Variants in NRG1 observed in about 807,000 individuals in gnomAD.
NRG1 encodes the protein pro-neuregulin-1, membrane-bound isoform.
Under a neutral mutation model 63.8 loss-of-function variants are expected in NRG1, and 18 were observed. That is an observed-to-expected ratio of 0.28 (90% CI 0.19 to 0.42). NRG1 has a LOEUF of 0.42. Ranked by LOEUF, NRG1 falls within the 10% of genes least tolerant of loss-of-function variation. NRG1 has a pLI of 1.00. For missense variants in NRG1, 762 were observed against 814.7 expected (o/e 0.94, Z 0.79); for synonymous variants, 302 against 301.3 (o/e 1.00, Z -0.02).
At chr8:31,662,350 A>C (rs1358849107) in intron 1 of NRG1, among the ~76,000 whole-genome samples, 1 of 152,254 alleles carries the variant, frequency 6.6e-6, no homozygotes, top group Non-Finnish European at 1.5e-5. Context: ...TTAAAAAGTA[A>C]GTAAATAAAA....
intron 1 of NRG1, among the ~76,000 whole-genome samples, chr8:32,238,333 C>T (rs532437595): frequency 6.6e-6 from 1 of 151,948 alleles, no homozygotes; most frequent in Non-Finnish European, 1.5e-5. Flanking sequence ...GTGACATGCA[C>T]CTATAGTCCC....
chr8:31,660,692 A>G (rs1237922079), intron 1 of NRG1, among the ~76,000 whole-genome samples: 1 of 152,198 alleles, frequency 6.6e-6, no homozygotes, highest in Non-Finnish European at 1.5e-5. Context: ...ATGTAAACAT[A>G]TGTATTGACA....
chr8:32,410,910 T>G (rs1485493992), intron 1 of NRG1, among the ~76,000 whole-genome samples: 1 of 150,302 alleles, frequency 6.7e-6, no homozygotes, highest in Non-Finnish European at 1.5e-5. Flanking sequence ...GGAGCCTTGC[T>G]CTGTTGCCAG....
intron 1 of NRG1, among the ~76,000 whole-genome samples, chr8:32,508,713 G>C: frequency 6.6e-6 from 1 of 152,024 alleles, no homozygotes; most frequent in East Asian, 1.9e-4. Context: ...TATACTTTGT[G>C]GTTTTGTTGT....
In NRG1 at chr8:32,605,694, C is replaced by A; in HGVS notation, c.400+11C>A. On this transcript the variant is annotated intron_variant, in intron 3 of 11. Transcript: ENST00000356819. ...TCGTGGAATCAAACGGTAAGAGATA[C>A]CTACGGTATTCTGTTCCTCAATCTG... is the stretch of plus-strand genomic sequence containing the variant. The A allele has an allele frequency of 6.2e-7, 1 of 1,612,032 alleles. No individual in the cohort carries two copies. Among genetic ancestry groups the A allele is most frequent in the South Asian group, 1.1e-5 (1 of 90,996 alleles).
intron 1 of NRG1, among the ~76,000 whole-genome samples, chr8:32,172,319 G>A (rs1341582014): frequency 6.6e-6 from 1 of 152,136 alleles, no homozygotes; most frequent in African/African-American, 2.4e-5. Context: ...CAAACAGAAA[G>A]GACATCCACA....
intron 1 of NRG1, among the ~76,000 whole-genome samples, chr8:32,385,948 T>G (rs1449926291): frequency 2.0e-5 from 3 of 152,218 alleles, no homozygotes; most frequent in Admixed American, 2.0e-4. Context: ...TAAAACGTCA[T>G]TCATTCAAAT....
At chr8:31,834,290 C>CGTGTGCGCACAT (rs1450360454) in intron 1 of NRG1, among the ~76,000 whole-genome samples, 42 of 66,890 alleles carry the variant, frequency 6.3e-4, no homozygotes, top group African/African-American at 2.5e-3. Flanking sequence ...TCCCTTCATG[C>CGTGTGCGCACAT]GTGTGCGCGC....
At chr8:32,499,685 A>T (rs749896009) in intron 1 of NRG1, among the ~76,000 whole-genome samples, 2 of 152,114 alleles carry the variant, frequency 1.3e-5, no homozygotes, top group Non-Finnish European at 2.9e-5. Context: ...AAAATAAATA[A>T]ATAAATAAAT....
intron 1 of NRG1, among the ~76,000 whole-genome samples, chr8:31,878,230 G>A (rs1470064122): frequency 1.3e-5 from 2 of 151,980 alleles, no homozygotes; most frequent in Non-Finnish European, 2.9e-5. Context: ...TGCTATATAT[G>A]GAAATTCTTA....
intron 1 of NRG1, among the ~76,000 whole-genome samples, chr8:32,126,074 A>C (rs1834034612): frequency 1.3e-5 from 2 of 151,868 alleles, no homozygotes; most frequent in South Asian, 4.1e-4. Flanking sequence ...GACAGGGGCC[A>C]TGCAGTATTC....
intron 1 of NRG1, among the ~76,000 whole-genome samples, chr8:32,351,853 A>C: frequency 6.6e-6 from 1 of 152,080 alleles, no homozygotes; most frequent in East Asian, 1.9e-4. Context: ...GCCTTACTAA[A>C]GTAGAGGCCC....
intron 1 of NRG1, among the ~76,000 whole-genome samples, chr8:32,074,993 C>T (rs2131076154): frequency 6.6e-6 from 1 of 152,238 alleles, no homozygotes; most frequent in South Asian, 2.1e-4. Flanking sequence ...TTGTGGTGTG[C>T]CTTTAGGCAG....
At chr8:32,046,125 T>C (rs1563720774) in intron 1 of NRG1, among the ~76,000 whole-genome samples, 1 of 99,132 alleles carries the variant, frequency 1.0e-5, no homozygotes, top group Non-Finnish European at 2.4e-5. Flanking sequence ...GATTTAAAAG[T>C]GGGCAAAAGT....
intron 1 of NRG1, among the ~76,000 whole-genome samples, chr8:32,242,528 G>A (rs1442628387): frequency 6.6e-6 from 1 of 152,168 alleles, no homozygotes; most frequent in African/African-American, 2.4e-5. Flanking sequence ...TTAGTGCAGT[G>A]TCTGACACTT....
At chr8:32,307,719 G>A (rs1856373339) in intron 1 of NRG1, among the ~76,000 whole-genome samples, 1 of 152,110 alleles carries the variant, frequency 6.6e-6, no homozygotes, top group Non-Finnish European at 1.5e-5. Context: ...TGCTTTGAGA[G>A]CAGGTTGAAT....
At chr8:32,769,460 A>G (rs1327908858), downstream of NRG1, among the ~76,000 whole-genome samples, 1 of 152,182 alleles carries the variant, frequency 6.6e-6, no homozygotes, top group Admixed American at 6.6e-5. Flanking sequence ...AGTCTTCCCA[A>G]TCATTAGATT....
rs200781974 is a variant in NRG1 at position 32,665,051 on chromosome 8, TA to T, written c.502+48170del. 8.3e-3 allele frequency among the ~76,000 whole-genome samples: 1,268 copies of T among 152,276 alleles called. 7 individuals carry two copies. Among genetic ancestry groups the T allele is most frequent in the Middle Eastern group, 0.024 (7 of 294 alleles). ...ATTAAAATTGATAGAATACAGAACT[TA>T]AAAGACATTTTTACTTTACTTTTTG... is the stretch of plus-strand genomic sequence containing the variant. On this transcript the variant is annotated intron_variant, in intron 5 of 11. Transcript: ENST00000356819.
chr8:31,848,113 G>C (rs1245652969), intron 1 of NRG1, among the ~76,000 whole-genome samples: 26 of 152,086 alleles, frequency 1.7e-4, no homozygotes, highest in East Asian at 1.9e-4. Flanking sequence ...TTTAATGGGG[G>C]AAGGCCGGTA....
Sources: allele counts gnomAD v4.1 joint callset (sites outside exome capture counted in the v4.1 genomes callset), GRCh38; gene constraint gnomAD v4.1.1; transcripts MANE v1.5; gene names NCBI Gene and HGNC (gene_info 2026-07-23, HGNC 2026-07-21).